The following ABTB2 variants were observed in gnomAD, a reference collection of about 807,000 sequenced individuals.
The protein encoded by ABTB2 is ankyrin repeat and BTB/POZ domain-containing protein 2.
A neutral mutation model predicts 104.1 loss-of-function variants in ABTB2; 56 were observed. The observed-to-expected ratio is 0.54, with a 90% CI of 0.43 to 0.67. The LOEUF is 0.67. Among genes scored for constraint, ABTB2 ranks in the 30% least tolerant of loss-of-function variants. The probability of loss-of-function intolerance (pLI) is 0.00; values close to 1 mark genes in which losing one functional copy is unlikely to be tolerated. For synonymous variants in ABTB2, 606 were observed against 608.2 expected, an observed-to-expected ratio of 1.00 and a Z score of 0.05; for missense variants, 1,279 against 1,407.7, an observed-to-expected ratio of 0.91 and a Z score of 1.46.
chr11:34,170,042 C>T (rs1852849197), intron 5 of ABTB2, among the ~76,000 whole-genome samples: 1 of 152,228 alleles, frequency 6.6e-6, no homozygotes, highest in Admixed American at 6.5e-5. Context: ...CCAAACCCCA[C>T]AGTGCCCTTC....
rs115246892 is a variant in ABTB2, at chr11:34,287,926, T to A, written c.883+68775A>T. ...GTCAGAGAGCCACCTTGTCCCACCATCGTATCCACATCACTTAGAACATGA... is the reference window on the plus strand; with the variant it reads ...GTCAGAGAGCCACCTTGTCCCACCAACGTATCCACATCACTTAGAACATGA... On this transcript the variant is annotated intron_variant, in intron 1 of 16. Coordinates refer to ENST00000435224, the MANE Select transcript of ABTB2 (RefSeq NM_145804.3). Among the ~76,000 whole-genome samples the A allele has an allele frequency of 4.6e-3, 703 of 152,238 alleles. 8 individuals are homozygous for A. Among genetic ancestry groups the A allele is most frequent in the African/African-American group, 0.016 (647 of 41,524 alleles).
At chr11:34,296,900 A>T (rs1186666130) in intron 1 of ABTB2, among the ~76,000 whole-genome samples, 1 of 152,188 alleles carries the variant, frequency 6.6e-6, no homozygotes, top group African/African-American at 2.4e-5. Context: ...TTATGGCAGG[A>T]TGAAGAAGAA....
chr11:34,152,104 A>G lies in ABTB2; in HGVS notation c.*283T>C, dbSNP rs149318694. The G allele has an allele frequency of 1.5e-3, 649 of 432,020 alleles. 4 individuals carry two copies. Among genetic ancestry groups the G allele is most frequent in the African/African-American group, 0.012 (615 of 49,974 alleles). The allele number at this position is 432,020 out of a possible 1,614,324, so 26.8% of individuals were successfully genotyped here. On this transcript the variant is annotated 3_prime_UTR_variant, in exon 17 of 17. Transcript: ENST00000435224. ...CAGCTGCTGACCTGCAGGAGGGGAGAGCGACACCCCGGGGGAGTGCATGGC... is the reference window on the plus strand; with the variant it reads ...CAGCTGCTGACCTGCAGGAGGGGAGGGCGACACCCCGGGGGAGTGCATGGC...
At chr11:34,335,439 T>C (rs879070811) in intron 1 of ABTB2, 7 of 784,876 alleles carry the variant, frequency 8.9e-6, no homozygotes, top group Admixed American at 5.7e-5. Flanking sequence ...TTCTTCACTC[T>C]AAACAGTCAT....
intron 5 of ABTB2, among the ~76,000 whole-genome samples, chr11:34,169,403 CTA>C (rs926842273): frequency 3.1e-4 from 47 of 152,248 alleles, no homozygotes; most frequent in African/African-American, 1.0e-3. Flanking sequence ...TGAGTGCTGA[CTA>C]TGTGCTGGAT....
chr11:34,354,161 G>A (rs1254838905), intron 1 of ABTB2, among the ~76,000 whole-genome samples: 6 of 152,090 alleles, frequency 3.9e-5, no homozygotes, highest in Admixed American at 2.6e-4. Flanking sequence ...TGGTCACCTC[G>A]CCTGCAAGAG....
At chr11:34,350,248 C>A (rs1855381655) in intron 1 of ABTB2, among the ~76,000 whole-genome samples, 1 of 152,008 alleles carries the variant, frequency 6.6e-6, no homozygotes, top group Admixed American at 6.5e-5. Context: ...AAATCAAAGC[C>A]CCCTTCATAC....
chr11:34,270,512 G>A (rs1053641517), intron 1 of ABTB2, among the ~76,000 whole-genome samples: 6 of 152,094 alleles, frequency 3.9e-5, no homozygotes, highest in African/African-American at 1.4e-4. Context: ...GCCAATTTTT[G>A]TATTTTTAGT....
At chr11:34,236,196 T>A (rs560345129) in intron 1 of ABTB2, among the ~76,000 whole-genome samples, 3 of 152,176 alleles carry the variant, frequency 2.0e-5, no homozygotes, top group African/African-American at 7.2e-5. Flanking sequence ...AGAAAAAGTA[T>A]TAAAATAGAG....
intron 1 of ABTB2, among the ~76,000 whole-genome samples, chr11:34,353,302 T>C (rs921301879): frequency 6.6e-6 from 1 of 152,028 alleles, no homozygotes; most frequent in Non-Finnish European, 1.5e-5. Flanking sequence ...GTAAGAAGAA[T>C]GACCAAGAAG....
intron 1 of ABTB2, among the ~76,000 whole-genome samples, chr11:34,263,154 A>G (rs1854208693): frequency 6.6e-6 from 1 of 152,058 alleles, no homozygotes; most frequent in South Asian, 2.1e-4. Context: ...TTAAGGGTCC[A>G]TCTCTCAAGA....
intron 1 of ABTB2, among the ~76,000 whole-genome samples, chr11:34,297,465 C>G (rs1854634929): frequency 6.6e-6 from 1 of 152,178 alleles, no homozygotes; most frequent in African/African-American, 2.4e-5. Context: ...CTTGCTCAGA[C>G]TCAGTGCTAT....
intron 1 of ABTB2, among the ~76,000 whole-genome samples, chr11:34,257,639 A>T (rs1358696350): frequency 6.6e-6 from 1 of 152,040 alleles, no homozygotes; most frequent in Non-Finnish European, 1.5e-5. Context: ...CCCAGGCTGG[A>T]GTGCAGTGGT....
rs566790590 is a variant in ABTB2 at position 34,280,659 on chromosome 11, C to T, written c.884-75969G>A. Among the ~76,000 whole-genome samples the T allele has an allele frequency of 3.9e-4, 60 of 152,278 alleles. 1 individual carries two copies. Among genetic ancestry groups the T allele is most frequent in the Admixed American group, 1.5e-3 (23 of 15,290 alleles). ...TCAGTAATAACGGACAATCTCAACA[C>T]CCACCATCTGGCCAGACACTAAATT... is the stretch of plus-strand genomic sequence containing the variant. On this transcript the variant is annotated intron_variant, in intron 1 of 16. Transcript: ENST00000435224.
At chr11:34,331,921 G>C (rs1425584292) in intron 1 of ABTB2, among the ~76,000 whole-genome samples, 1 of 152,228 alleles carries the variant, frequency 6.6e-6, no homozygotes, top group Non-Finnish European at 1.5e-5. Context: ...ATTTCCTGGT[G>C]AGAGTCCCAA....
Position 34,165,357 on chromosome 11 carries a change from C to T in ABTB2, c.1756-1G>A. Reference sequence around the variant, plus strand: ...CATGGGCACCAGCATCCAGCAGCAACTGCCAGGGGCACAGAGGAGGAGGGC... The same window carrying T: ...CATGGGCACCAGCATCCAGCAGCAATTGCCAGGGGCACAGAGGAGGAGGGC... On this transcript the variant is annotated splice_acceptor_variant, in intron 7 of 16. Coordinates refer to ENST00000435224, the MANE Select transcript of ABTB2 (RefSeq NM_145804.3). LOFTEE classifies it high-confidence loss of function. 6.3e-7 allele frequency: 1 copy of T among 1,584,290 alleles called. No homozygotes were observed.
At chr11:34,272,403 C>CT (rs11451134) in intron 1 of ABTB2, among the ~76,000 whole-genome samples, 17,313 of 150,816 alleles carry the variant, frequency 0.11, 1,170 homozygotes, top group Admixed American at 0.21. Context: ...AATAGCAAAA[C>CT]TAAAAAACCA....
intron 1 of ABTB2, among the ~76,000 whole-genome samples, chr11:34,242,088 C>T (rs1324877503): frequency 6.6e-6 from 1 of 152,240 alleles, no homozygotes; most frequent in African/African-American, 2.4e-5. Flanking sequence ...CTCAACTGTG[C>T]TATGGAGTTC....
intron 3 of ABTB2, among the ~76,000 whole-genome samples, chr11:34,181,406 A>G (rs2467377): frequency 0.78 from 118,841 of 152,020 alleles, 47,139 homozygotes; most frequent in East Asian, 0.96. Context: ...GTAGGCAGGG[A>G]CCCCAGAGTG....
Sources: gnomAD v4.1 joint callset for allele counts (sites outside exome capture counted in the v4.1 genomes callset) on GRCh38, gnomAD v4.1.1 for gene constraint, MANE v1.5 for transcripts, NCBI Gene and HGNC (gene_info 2026-07-23, HGNC 2026-07-21) for gene names.